Variants in FAM200B observed in about 807,000 individuals in gnomAD.
FAM200B encodes the protein zinc finger BED-type containing 11, also known as protein FAM200B.
In FAM200B, 32 loss-of-function variants were observed where a neutral mutation model predicts 33.1. The ratio of observed to expected loss-of-function variants is 0.97; its 90% CI spans 0.73 to 1.30. FAM200B has a LOEUF of 1.30. FAM200B is among the 50% of genes most tolerant of loss of function. The pLI is 0.00. For missense variants in FAM200B, 741 were observed against 754.0 expected (o/e 0.98, Z 0.20); for synonymous variants, 240 against 264.8 (o/e 0.91, Z 0.91).
the FAM200B span, among the ~76,000 whole-genome samples, chr4:15,670,424 CAG>C: frequency 6.6e-6 from 1 of 152,214 alleles, no homozygotes; most frequent in Non-Finnish European, 1.5e-5. Context: ...TCTAATAATA[CAG>C]AGATTCCAGC....
chr4:15,638,531 G>A, the FAM200B span: 1 of 1,594,482 alleles, frequency 6.3e-7, no homozygotes, highest in South Asian at 1.1e-5. Context: ...TTCATCCACG[G>A]AATATTTAAA....
At chr4:15,641,383 C>G in the FAM200B span, 3 of 345,634 alleles carry the variant, frequency 8.7e-6, no homozygotes, top group East Asian at 2.4e-4. Flanking sequence ...CCAACCCCAC[C>G]TCTTCTTCCT....
At chr4:15,676,255 C>T in the FAM200B span, among the ~76,000 whole-genome samples, 2 of 151,988 alleles carry the variant, frequency 1.3e-5, no homozygotes, top group South Asian at 2.1e-4. Context: ...TATAAACTAC[C>T]GCATAAAAAG....
chr4:15,644,829 A>T, the FAM200B span: 1 of 660,722 alleles, frequency 1.5e-6, no homozygotes, highest in Non-Finnish European at 2.5e-6. Flanking sequence ...ACTTGGTTAA[A>T]GTACAAATAA....
chr4:15,652,525 T>A, the FAM200B span, among the ~76,000 whole-genome samples: 5 of 152,298 alleles, frequency 3.3e-5, no homozygotes, highest in East Asian at 9.7e-4. Flanking sequence ...ATGGGCAAAG[T>A]ATTAAATCGG....
At chr4:15,680,531 G>C (rs112871891), upstream of FAM200B, among the ~76,000 whole-genome samples, 2,571 of 152,152 alleles carry the variant, frequency 0.017, 74 homozygotes, top group African/African-American at 0.058. Flanking sequence ...ACAAAAATTA[G>C]CCTGGCATGG....
At chr4:15,648,482 G>A in the FAM200B span, among the ~76,000 whole-genome samples, 1 of 152,212 alleles carries the variant, frequency 6.6e-6, no homozygotes, top group East Asian at 1.9e-4. Context: ...GAGCCAACCT[G>A]AGTGCTTGTC....
At chr4:15,662,779 T>C in the FAM200B span, among the ~76,000 whole-genome samples, 10 of 152,356 alleles carry the variant, frequency 6.6e-5, no homozygotes, top group Admixed American at 1.3e-4. Flanking sequence ...ATGTAATTTT[T>C]TTTTGTCTTT....
At chr4:15,665,868 G>A in the FAM200B span, among the ~76,000 whole-genome samples, 1 of 152,120 alleles carries the variant, frequency 6.6e-6, no homozygotes, top group Non-Finnish European at 1.5e-5. Context: ...ACCTGCACCT[G>A]TTCTGACACC....
At position 15,687,479 on chromosome 4, in the gene FAM200B, GA is replaced by G. The variant is rs1718975361; in HGVS notation, c.508del (p.Ile170LeufsTer22). ...AKEKIANTAA[E>X]KIILPACLDM... Reference sequence around the variant, plus strand: ...AGAGAAAATAGCTAACACAGCTGCTGAAAAAATTATTCTTCCAGCATGTTTG... The same window carrying G: ...AGAGAAAATAGCTAACACAGCTGCTGAAAAATTATTCTTCCAGCATGTTTG... On this transcript the variant is annotated frameshift_variant, in exon 2 of 2. Coordinates refer to ENST00000422728, the MANE Select transcript of FAM200B (RefSeq NM_001145191.2). LOFTEE classifies it high-confidence loss of function. The G allele has an allele frequency of 6.4e-7, 1 of 1,551,086 alleles. No homozygotes were observed. The highest frequency in any genetic ancestry group is 8.7e-7 in the Non-Finnish European group (1 of 1,146,758).
chr4:15,675,772 G>A, the FAM200B span, among the ~76,000 whole-genome samples: 1 of 151,786 alleles, frequency 6.6e-6, no homozygotes, highest in Non-Finnish European at 1.5e-5. Context: ...TAGTAGAAAT[G>A]GGGTTTCACC....
upstream of FAM200B, chr4:15,681,596 G>C (rs1281245450): frequency 6.6e-6 from 1 of 152,560 alleles, no homozygotes; most frequent in Non-Finnish European, 1.5e-5. Flanking sequence ...CTAGGGAGTC[G>C]TTACCGCCCT....
At chr4:15,671,072 C>T in the FAM200B span, among the ~76,000 whole-genome samples, 8 of 151,296 alleles carry the variant, frequency 5.3e-5, no homozygotes, top group African/African-American at 1.2e-4. Context: ...TACAGGTGCC[C>T]GCCACCACAC....
upstream of FAM200B, among the ~76,000 whole-genome samples, chr4:15,680,437 C>T (rs1423409928): frequency 6.6e-6 from 1 of 152,024 alleles, no homozygotes; most frequent in East Asian, 1.9e-4. Context: ...TTGGGAGGCC[C>T]AAGTGGGTGG....
chr4:15,642,439 T>C, the FAM200B span, among the ~76,000 whole-genome samples: 1 of 152,098 alleles, frequency 6.6e-6, no homozygotes. Flanking sequence ...TTTCACCACA[T>C]TGGCCAGGCT....
At chr4:15,651,897 T>C in the FAM200B span, among the ~76,000 whole-genome samples, 1 of 152,188 alleles carries the variant, frequency 6.6e-6, no homozygotes, top group Non-Finnish European at 1.5e-5. Flanking sequence ...CAGAAATCAA[T>C]TCAAAGAGAC....
chr4:15,675,643 G>A, the FAM200B span, among the ~76,000 whole-genome samples: 4 of 139,176 alleles, frequency 2.9e-5, no homozygotes, highest in African/African-American at 5.4e-5. Flanking sequence ...GTGCAATGGC[G>A]CCATCTCAGC....
At chr4:15,641,374 C>T in the FAM200B span, 1 of 342,900 alleles carries the variant, frequency 2.9e-6, no homozygotes, top group South Asian at 2.4e-5. Flanking sequence ...ACAGCAAGAC[C>T]AACCCCACCT....
chr4:15,658,757 A>T, the FAM200B span, among the ~76,000 whole-genome samples: 3 of 152,228 alleles, frequency 2.0e-5, no homozygotes, highest in Non-Finnish European at 2.9e-5. Context: ...ACAGACTAAG[A>T]CAGGCACATA....
Sources: gnomAD v4.1 joint callset for allele counts (sites outside exome capture counted in the v4.1 genomes callset) on GRCh38, gnomAD v4.1.1 for gene constraint, MANE v1.5 for transcripts, NCBI Gene and HGNC (gene_info 2026-07-23, HGNC 2026-07-21) for gene names.